Variants in OR9G4 observed in about 807,000 individuals in gnomAD.
OR9G4 encodes the protein olfactory receptor 9G4.
OR9G4 carries 19 observed loss-of-function variants against 16.7 expected under a neutral mutation model. The observed-to-expected ratio is 1.14, with a 90% confidence interval of 0.79 to 1.67. The LOEUF is 1.67. OR9G4 is among the 40% of genes most tolerant of loss of function. The pLI, the probability that OR9G4 is intolerant of heterozygous loss-of-function variation, is 0.00. For synonymous variants in OR9G4, 182 were observed against 146.2 expected (o/e 1.24, Z -1.76); for missense variants, 428 against 370.4 (o/e 1.16, Z -1.28).
Position 56,743,316 on chromosome 11 carries a change from C to T in OR9G4, c.451G>A (p.Gly151Arg), listed in dbSNP as rs773680519. ...CTGLVAGSYI[G>R]GFLNAIAHTA... ...TGGGCTATGGCATTCAAAAATCCTC[C>T]TATGTAGGAGCCAGCAACAAGCCCA... is the stretch of plus-strand genomic sequence containing the variant. The change falls in exon 2 of 2, where the codon GGA becomes AGA. Residue 151 changes from glycine (G) to arginine (R), a missense_variant. Physicochemically the swap from Gly to Arg is moderately radical, Grantham distance 125. Coordinates refer to ENST00000641668, the MANE Select transcript of OR9G4 (RefSeq NM_001005284.2). 1 of 1,614,118 alleles carries T rather than the reference C, an allele frequency of 6.2e-7. No individual in the cohort carries two copies. The highest frequency in any genetic ancestry group is 8.5e-7 in the Non-Finnish European group (1 of 1,180,006).
chr11:56,747,212 T>C (rs890755444), intron 1 of OR9G4, among the ~76,000 whole-genome samples: 71 of 135,986 alleles, frequency 5.2e-4, no homozygotes, highest in African/African-American at 2.0e-3. Context: ...TTATTATTAT[T>C]ATTATACTTT....
chr11:56,748,409 CTGTGTGAGTGAATA>C (rs1391860800), intron 1 of OR9G4, among the ~76,000 whole-genome samples: 1 of 152,222 alleles, frequency 6.6e-6, no homozygotes, highest in African/African-American at 2.4e-5. Context: ...GATTTTTTCA[CTGTGTGAGTGAATA>C]TATGATGGCC....
chr11:56,743,511 C>T lies in OR9G4; in HGVS notation c.256G>A (p.Val86Ile). ...AAGGAAATGCGCTTATCTTCTGAGA[C>T]ACAACTGGCCAGGATTTTGGGGGTA... is the stretch of plus-strand genomic sequence containing the variant. ...VYTPKILASC[V>I]SEDKRISLAG... The change falls in exon 2 of 2, where the codon GTC becomes ATC. Residue 86 changes from valine to isoleucine, a missense_variant. Coordinates refer to ENST00000641668, the MANE Select transcript of OR9G4 (RefSeq NM_001005284.2). 1 of 1,614,108 alleles carries T rather than the reference C, an allele frequency of 6.2e-7. No homozygotes were observed. Among genetic ancestry groups the T allele is most frequent in the Non-Finnish European group, 8.5e-7 (1 of 1,180,016 alleles).
In OR9G4 at chr11:56,742,759, G is replaced by T; in HGVS notation, c.*69C>A. The T allele has an allele frequency of 7.3e-7, 1 of 1,361,428 alleles. No homozygotes were observed. Among genetic ancestry groups the T allele is most frequent in the Non-Finnish European group, 1.0e-6 (1 of 986,168 alleles). The allele number at this position is 1,361,428 out of a possible 1,614,324, so 84.3% of individuals were successfully genotyped here. A position where few individuals can be genotyped will look rare whatever the true frequency, so the allele number is the denominator to read the frequency against. On this transcript the variant is annotated 3_prime_UTR_variant, in exon 2 of 2. Transcript: ENST00000641668. ...TTGAACTTAATTGAACTACAGAAAT[G>T]CAAATGAACACATTTATAAGCCAAT...
Position 56,741,689 on chromosome 11 carries a change from T to C in OR9G4, c.*1139A>G, listed in dbSNP as rs1858302228. 1 of 152,276 alleles carries C rather than the reference T, an allele frequency of 6.6e-6. No individual in the cohort carries two copies. Among genetic ancestry groups the C allele is most frequent in the East Asian group, 1.9e-4 (1 of 5,204 alleles). The allele number at this position is 152,276 out of a possible 1,614,324, so 9.4% of individuals were successfully genotyped here. ...TTTGTCCTAAATTTTCAAAATTTAA[T>C]TAATTTTTTAAATGTGCTAATTCCA... is the stretch of plus-strand genomic sequence containing the variant. On this transcript the variant is annotated 3_prime_UTR_variant, in exon 2 of 2. Transcript: ENST00000641668.
At chr11:56,745,898 A>G (rs1858402126) in intron 1 of OR9G4, among the ~76,000 whole-genome samples, 1 of 152,242 alleles carries the variant, frequency 6.6e-6, no homozygotes, top group Non-Finnish European at 1.5e-5. Context: ...TACACAGGAC[A>G]TTACCACTGT....
Position 56,741,397 on chromosome 11 carries a change from T to C in OR9G4, c.*1431A>G, listed in dbSNP as rs1259753235. 1 of 178,714 alleles carries C rather than the reference T, an allele frequency of 5.6e-6. No individual in the cohort carries two copies. Among genetic ancestry groups the C allele is most frequent in the Admixed American group, 6.2e-5 (1 of 16,230 alleles). The allele number at this position is 178,714 out of a possible 1,614,324, so 11.1% of individuals were successfully genotyped here. ...CTAAAGTGAAATTAAATTTTTACGA[T>C]GTTCTTTCCCATAATATTGACCCAA... On this transcript the variant is annotated 3_prime_UTR_variant, in exon 2 of 2. Transcript: ENST00000641668.
In OR9G4 at chr11:56,743,141, G is replaced by A. The variant is rs1435175155; in HGVS notation, c.626C>T (p.Ser209Phe). Residue 209 changes from serine to phenylalanine, a missense_variant, in exon 2 of 2, where the codon TCC (serine) becomes TTC (phenylalanine). By Grantham distance (155) the Ser-to-Phe change is radical. Coordinates refer to ENST00000641668, the MANE Select transcript of OR9G4 (RefSeq NM_001005284.2). ...LLGVVGFTVL[S>F]SILAILISYV... ...GGAAATCAGGATAGCAAGAATGCTG[G>A]AGAGTACTGTGAAGCCCACCACACC... The A allele has an allele frequency of 1.2e-6, 2 of 1,613,932 alleles. No homozygotes were observed. The highest frequency in any genetic ancestry group is 8.5e-7 in the Non-Finnish European group (1 of 1,179,930).
rs765707203 is a variant in OR9G4, at chr11:56,743,412, C to T, written c.355G>A (p.Ala119Thr). 12 of 1,614,080 alleles carry T rather than the reference C, an allele frequency of 7.4e-6. No individual in the cohort carries two copies. In the East Asian group the frequency reaches 2.0e-4, roughly 27 times the overall value. Reference protein sequence around the residue: ...YTECYLLAAMAYDRHAAICNP... With the variant: ...YTECYLLAAMTYDRHAAICNP... The stretch of plus-strand genomic sequence containing the variant: ...CAAATTGCTGCATGGCGGTCATATG[C>T]CATGGCTGCCAGGAGATAGCATTCA... The change falls in exon 2 of 2, where the codon GCA becomes ACA. Residue 119 changes from alanine to threonine, a missense_variant. Ala to Thr is a moderately conservative substitution (Grantham distance 58, BLOSUM62 0). Coordinates refer to ENST00000641668, the MANE Select transcript of OR9G4 (RefSeq NM_001005284.2).
rs371144432 is a variant in OR9G4, at chr11:56,743,315, C to T, written c.452G>A (p.Gly151Glu). 1.2e-6 allele frequency: 2 copies of T among 1,614,178 alleles called. No homozygotes were observed. The highest frequency in any genetic ancestry group is 1.7e-6 in the Non-Finnish European group (2 of 1,180,038). ...CTGLVAGSYI[G>E]GFLNAIAHTA... ...ATGGGCTATGGCATTCAAAAATCCT[C>T]CTATGTAGGAGCCAGCAACAAGCCC... The change falls in exon 2 of 2, where the codon GGA becomes GAA. Residue 151 changes from glycine (G) to glutamate (E), a missense_variant. Transcript: ENST00000641668.
rs1319432041 is a variant in OR9G4 at position 56,743,275 on chromosome 11, G to T, written c.492C>A (p.Phe164Leu). 6.2e-7 allele frequency: 1 copy of T among 1,614,136 alleles called. No homozygotes were observed. Among genetic ancestry groups the T allele is most frequent in the Admixed American group, 1.7e-5 (1 of 60,020 alleles). ...LNAIAHTANT[F>L]RLHFCGKNII... ...TATTTTTACCACAAAAATGCAGGCG[G>T]AATGTATTGGCAGTATGGGCTATGG... is the stretch of plus-strand genomic sequence containing the variant. The change falls in exon 2 of 2, where the codon TTC (phenylalanine) becomes TTA (leucine). Residue 164 changes from phenylalanine to leucine, a missense_variant. Transcript: ENST00000641668.
chr11:56,744,013 A>G (rs1262238052), intron 1 of OR9G4: 6 of 492,812 alleles, frequency 1.2e-5, no homozygotes, highest in Non-Finnish European at 2.1e-5. Context: ...GCAGGACAAG[A>G]CCCATATTCT....
intron 1 of OR9G4, among the ~76,000 whole-genome samples, chr11:56,746,481 A>C (rs1425224449): frequency 6.6e-6 from 1 of 152,132 alleles, no homozygotes; most frequent in African/African-American, 2.4e-5. Flanking sequence ...ATATGTAAAA[A>C]CACGCAAAAT....
intron 1 of OR9G4, among the ~76,000 whole-genome samples, chr11:56,746,022 G>T (rs4525253): frequency 6.6e-6 from 1 of 151,784 alleles, no homozygotes; most frequent in Non-Finnish European, 1.5e-5. Flanking sequence ...GGCCGGGCGC[G>T]GTGGCTCACG....
At chr11:56,748,445 C>T (rs1245500528) in intron 1 of OR9G4, among the ~76,000 whole-genome samples, 2 of 152,210 alleles carry the variant, frequency 1.3e-5, no homozygotes, top group African/African-American at 4.8e-5. Flanking sequence ...AGCATAGATA[C>T]AAGACTGAGT....
At chr11:56,744,027 C>T in intron 1 of OR9G4, 1 of 449,894 alleles carries the variant, frequency 2.2e-6, no homozygotes, top group Admixed American at 3.9e-5. Flanking sequence ...ATATTCTCAT[C>T]AAACATGAAA....
Position 56,743,246 on chromosome 11 carries a change from A to C in OR9G4, c.521T>G (p.Ile174Ser). The C allele has an allele frequency of 6.2e-7, 1 of 1,614,168 alleles. No individual in the cohort carries two copies. The highest frequency in any genetic ancestry group is 8.5e-7 in the Non-Finnish European group (1 of 1,180,026). Reference protein sequence around the residue: ...FRLHFCGKNIIDHFFCDAPPL... With the variant: ...FRLHFCGKNISDHFFCDAPPL... Reference sequence around the variant, plus strand: ...TGGTGCATCACAGAAAAAGTGGTCAATGATATTTTTACCACAAAAATGCAG... The same window carrying C: ...TGGTGCATCACAGAAAAAGTGGTCACTGATATTTTTACCACAAAAATGCAG... The change falls in exon 2 of 2, where the codon ATT becomes AGT. Residue 174 changes from isoleucine to serine, a missense_variant. Transcript: ENST00000641668.
intron 1 of OR9G4, among the ~76,000 whole-genome samples, chr11:56,748,373 A>G (rs1332243237): frequency 6.6e-6 from 1 of 152,240 alleles, no homozygotes; most frequent in African/African-American, 2.4e-5. Flanking sequence ...GGGTCAAAAA[A>G]GCAAGTCACA....
At chr11:56,743,826 T>C (rs1404871454) in intron 1 of OR9G4, 38 bp from the exon 2 acceptor site, 1 of 1,594,586 alleles carries the variant, frequency 6.3e-7, no homozygotes, top group Admixed American at 1.8e-5. Flanking sequence ...TAGTGTTTTT[T>C]CTATTCACAC....
Sources: allele counts gnomAD v4.1 joint callset (sites outside exome capture counted in the v4.1 genomes callset), GRCh38; gene constraint gnomAD v4.1.1; transcripts MANE v1.5; gene names NCBI Gene and HGNC (gene_info 2026-07-23, HGNC 2026-07-21).